TRMT9B: variants seen among roughly 807,000 people sequenced by gnomAD.
TRMT9B encodes probable tRNA methyltransferase 9B.
Under a neutral mutation model 11.5 loss-of-function variants are expected in TRMT9B, and 16 were observed. The ratio of observed to expected loss-of-function variants is 1.39; its 90% CI spans 0.94 to 2.11. The LOEUF is 2.11. Ranked by LOEUF, TRMT9B falls within the 30% of genes most tolerant of loss-of-function variation. The pLI is 0.00. For synonymous variants in TRMT9B, 274 were observed against 192.4 expected (o/e 1.42, Z -3.51); for missense variants, 941 against 553.8 (o/e 1.70, Z -7.02).
intron 1 of TRMT9B, among the ~76,000 whole-genome samples, chr8:12,963,305 C>T (rs753474574): frequency 5.3e-5 from 8 of 151,940 alleles, no homozygotes; most frequent in Non-Finnish European, 1.0e-4. Context: ...TGGTGGCATG[C>T]GTCTGTAATC....
intron 3 of TRMT9B, chr8:13,011,806 A>T: frequency 1.0e-6 from 1 of 958,708 alleles, no homozygotes; most frequent in Non-Finnish European, 1.2e-6. Flanking sequence ...AGATCATTTT[A>T]AATGTAGCAA....
chr8:13,027,226 C>T lies in TRMT9B; in HGVS notation c.*5182C>T, dbSNP rs1294664453. Reference sequence around the variant, plus strand: ...ATGACTATCTGGCATCTTGAAGGTACCCAGAATATTAGAATTAACTGACCC... The same window carrying T: ...ATGACTATCTGGCATCTTGAAGGTATCCAGAATATTAGAATTAACTGACCC... On this transcript the variant is annotated 3_prime_UTR_variant, in exon 5 of 5. Transcript: ENST00000524591. 2 of 166,980 alleles carry T rather than the reference C, an allele frequency of 1.2e-5. No individual in the cohort carries two copies. Among genetic ancestry groups the T allele is most frequent in the Non-Finnish European group, 2.9e-5 (2 of 68,116 alleles). The allele number at this position is 166,980 out of a possible 1,614,324, so 10.3% of individuals were successfully genotyped here.
rs189867353 is a variant in TRMT9B, at chr8:13,028,611, T to C, written c.*6567T>C. The stretch of plus-strand genomic sequence containing the variant: ...TTTTTTTTGAGACAGTGTCTCACTC[T>C]GTCACCCAGGCTGGAGGGCAGTAGT... On this transcript the variant is annotated 3_prime_UTR_variant, in exon 5 of 5. Coordinates refer to ENST00000524591, the MANE Select transcript of TRMT9B (RefSeq NM_020844.3). 5.5e-5 allele frequency: 8 copies of C among 144,856 alleles called. No individual in the cohort carries two copies. Among genetic ancestry groups the C allele is most frequent in the Non-Finnish European group, 1.2e-4 (8 of 66,606 alleles). 9.0% of individuals were successfully genotyped at this position (144,856 alleles called of 1,614,324 possible).
intron 1 of TRMT9B, among the ~76,000 whole-genome samples, chr8:12,954,764 ACTC>A (rs1362298578): frequency 1.3e-5 from 2 of 152,180 alleles, no homozygotes; most frequent in Non-Finnish European, 2.9e-5. Context: ...CTTGCATAGA[ACTC>A]CTAGCTGAGA....
At chr8:13,013,297 A>G (rs997123803) in intron 4 of TRMT9B, among the ~76,000 whole-genome samples, 3 of 152,184 alleles carry the variant, frequency 2.0e-5, no homozygotes, top group Non-Finnish European at 4.4e-5. Context: ...ACCTGGACCA[A>G]TCTGCCACTC....
chr8:13,011,176 G>C (rs779460670), intron 3 of TRMT9B: 3 of 396,374 alleles, frequency 7.6e-6, no homozygotes, highest in Non-Finnish European at 1.0e-5. Flanking sequence ...TAGTAGAGAG[G>C]GGTTTCATCA....
intron 1 of TRMT9B, among the ~76,000 whole-genome samples, chr8:12,982,839 G>A (rs1805640627): frequency 6.6e-6 from 1 of 152,148 alleles, no homozygotes; most frequent in South Asian, 2.1e-4. Flanking sequence ...CAGTCAAAAT[G>A]CAGCCACAGG....
At chr8:13,018,324 C>T (rs2128900222) in intron 4 of TRMT9B, among the ~76,000 whole-genome samples, 1 of 149,634 alleles carries the variant, frequency 6.7e-6, no homozygotes, top group East Asian at 2.0e-4. Context: ...ATCACCTGAA[C>T]TCAGAAGGCA....
chr8:13,002,425 T>A (rs1345051508), intron 2 of TRMT9B, among the ~76,000 whole-genome samples: 1 of 152,218 alleles, frequency 6.6e-6, no homozygotes, highest in Non-Finnish European at 1.5e-5. Flanking sequence ...GTTTTTCTCT[T>A]GTGTGGGCAG....
Position 13,021,343 on chromosome 8 carries a change from G to C in TRMT9B, c.664G>C (p.Ala222Pro), listed in dbSNP as rs759706663. Reference sequence around the variant, plus strand: ...CAGCGTGGGCTATGAACCTGCTATGGCAAGAACCTGTTTTGCAAATATTTC... The same window carrying C: ...CAGCGTGGGCTATGAACCTGCTATGCCAAGAACCTGTTTTGCAAATATTTC... ...SHSVGYEPAM[A>P]RTCFANISKE... is the part of the protein sequence containing the mutation. The change falls in exon 5 of 5, where the codon GCA becomes CCA. Residue 222 changes from alanine (A) to proline (P), a missense_variant. Physicochemically the swap from Ala to Pro is conservative, Grantham distance 27. Coordinates refer to ENST00000524591, the MANE Select transcript of TRMT9B (RefSeq NM_020844.3). 3.1e-6 allele frequency: 5 copies of C among 1,614,042 alleles called. No individual in the cohort carries two copies. In the East Asian group the frequency reaches 1.1e-4, roughly 36 times the overall value.
chr8:12,968,479 A>G (rs577807665), intron 1 of TRMT9B, among the ~76,000 whole-genome samples: 1 of 152,370 alleles, frequency 6.6e-6, no homozygotes, highest in African/African-American at 2.4e-5. Context: ...GTGAAGAGCT[A>G]CATAGTTTTA....
At chr8:13,016,613 A>G (rs1217970792) in intron 4 of TRMT9B, among the ~76,000 whole-genome samples, 2 of 151,684 alleles carry the variant, frequency 1.3e-5, no homozygotes, top group Non-Finnish European at 2.9e-5. Flanking sequence ...TTTTATTGGC[A>G]TATTAGAAAA....
At chr8:12,953,163 TTAAA>T (rs1251963145) in intron 1 of TRMT9B, among the ~76,000 whole-genome samples, 3 of 152,206 alleles carry the variant, frequency 2.0e-5, no homozygotes. Context: ...AGGCATGAAT[TTAAA>T]TGTACATTGA....
intron 4 of TRMT9B, among the ~76,000 whole-genome samples, chr8:13,014,462 A>G (rs1370344095): frequency 2.0e-5 from 3 of 152,062 alleles, no homozygotes; most frequent in Non-Finnish European, 4.4e-5. Context: ...GCGGCAGGAG[A>G]CTGGAAGAAG....
intron 1 of TRMT9B, among the ~76,000 whole-genome samples, chr8:12,983,025 GC>G (rs1195099039): frequency 6.6e-6 from 1 of 152,198 alleles, no homozygotes; most frequent in Non-Finnish European, 1.5e-5. Context: ...CCCACATGGG[GC>G]CAAGAGCTGC....
At chr8:12,951,208 C>T (rs1800576316) in intron 1 of TRMT9B, 1 of 152,132 alleles carries the variant, frequency 6.6e-6, no homozygotes, top group Non-Finnish European at 1.5e-5. Context: ...GCAGATTAGG[C>T]ATGTTGTGTA....
Position 12,976,324 on chromosome 8 carries a change from G to A in TRMT9B, c.-199-14510G>A, listed in dbSNP as rs193067666. ...TAAAAGGCAAGGGATTTTTAGGTGA[G>A]GAAGACATGGTAGGATTAGTAATAG... On this transcript the variant is annotated intron_variant, in intron 1 of 4. Coordinates refer to ENST00000524591, the MANE Select transcript of TRMT9B (RefSeq NM_020844.3). Among the ~76,000 whole-genome samples the A allele has an allele frequency of 1.2e-4, 18 of 152,170 alleles. No individual in the cohort carries two copies. In the East Asian group the frequency reaches 3.3e-3, roughly 28 times the overall value.
rs906876102 is a variant in TRMT9B, at chr8:13,025,680, C to G, written c.*3636C>G. On this transcript the variant is annotated 3_prime_UTR_variant, in exon 5 of 5. Coordinates refer to ENST00000524591, the MANE Select transcript of TRMT9B (RefSeq NM_020844.3). ...ATTCAAGCACCTATTTAAATTTTTT[C>G]CAATTGCCAGTATAGTGATGATATG... 1 of 167,048 alleles carries G rather than the reference C, an allele frequency of 6.0e-6. No homozygotes were observed. The highest frequency in any genetic ancestry group is 2.1e-4 in the South Asian group (1 of 4,830). 10.3% of individuals were successfully genotyped at this position (167,048 alleles called of 1,614,324 possible). A position where few individuals can be genotyped will look rare whatever the true frequency, so the allele number is the denominator to read the frequency against.
chr8:12,976,842 C>G (rs1804536076), intron 1 of TRMT9B, among the ~76,000 whole-genome samples: 1 of 152,100 alleles, frequency 6.6e-6, no homozygotes, highest in Admixed American at 6.5e-5. Flanking sequence ...AAGAGCTGCC[C>G]AGCATCAGCT....
Sources: allele counts gnomAD v4.1 joint callset (sites outside exome capture counted in the v4.1 genomes callset), GRCh38; gene constraint gnomAD v4.1.1; transcripts MANE v1.5; gene names NCBI Gene and HGNC (gene_info 2026-07-23, HGNC 2026-07-21).